Variants in NRG1 observed in about 807,000 individuals in gnomAD.
NRG1 encodes pro-neuregulin-1, membrane-bound isoform.
NRG1 carries 18 observed loss-of-function variants against 63.8 expected under a neutral mutation model. The ratio of observed to expected loss-of-function variants is 0.28; its 90% CI spans 0.19 to 0.42. The LOEUF (loss-of-function observed/expected upper bound fraction) is 0.42, where lower values mean the gene tolerates loss of function less well. Ranked by LOEUF, NRG1 falls within the 10% of genes least tolerant of loss-of-function variation. The pLI is 1.00. For missense variants in NRG1, 762 were observed against 814.7 expected (o/e 0.94, Z 0.79); for synonymous variants, 302 against 301.3 (o/e 1.00, Z -0.02).
At chr8:31,766,276 A>G (rs1162020607) in intron 1 of NRG1, among the ~76,000 whole-genome samples, 1 of 152,216 alleles carries the variant, frequency 6.6e-6, no homozygotes, top group Admixed American at 6.5e-5. Flanking sequence ...ACCACGTTAA[A>G]AAAGATCCCC....
At chr8:32,646,777 A>T (rs1400717265) in intron 5 of NRG1, 2 of 985,154 alleles carry the variant, frequency 2.0e-6, no homozygotes, top group African/African-American at 3.5e-5. Flanking sequence ...GATGGCCTTT[A>T]TTCCTTCTAA....
chr8:32,250,440 C>A (rs1194407469), intron 1 of NRG1, among the ~76,000 whole-genome samples: 1 of 152,096 alleles, frequency 6.6e-6, no homozygotes, highest in Non-Finnish European at 1.5e-5. Flanking sequence ...TCATTATTAC[C>A]TCTGCATGTG....
At chr8:32,175,979 C>T (rs1462062747) in intron 1 of NRG1, among the ~76,000 whole-genome samples, 1 of 152,130 alleles carries the variant, frequency 6.6e-6, no homozygotes, top group African/African-American at 2.4e-5. Context: ...TTGGAAAAAA[C>T]TACTTTAAAG....
chr8:32,017,049 C>T (rs570244884), intron 1 of NRG1, among the ~76,000 whole-genome samples: 5 of 152,260 alleles, frequency 3.3e-5, no homozygotes, highest in African/African-American at 1.2e-4. Flanking sequence ...GATGTTAAAG[C>T]ATCAAAACAG....
chr8:32,367,707 T>A (rs186508431), intron 1 of NRG1, among the ~76,000 whole-genome samples: 61 of 152,226 alleles, frequency 4.0e-4, no homozygotes, highest in African/African-American at 1.4e-3. Flanking sequence ...TCTAGTTTTG[T>A]TTTTTGTTGC....
At chr8:32,438,886 T>C (rs1350472431) in intron 1 of NRG1, among the ~76,000 whole-genome samples, 1 of 152,164 alleles carries the variant, frequency 6.6e-6, no homozygotes, top group East Asian at 1.9e-4. Context: ...AGATTGTTTT[T>C]TGACTGTTGA....
chr8:32,449,825 T>C (rs1820738925), intron 1 of NRG1, among the ~76,000 whole-genome samples: 1 of 152,184 alleles, frequency 6.6e-6, no homozygotes, highest in South Asian at 2.1e-4. Flanking sequence ...AGCTAAATCT[T>C]AAAGTATGAG....
Position 32,099,662 on chromosome 8 carries a change from G to A in NRG1, c.37+460231G>A, listed in dbSNP as rs1830321439. On this transcript the variant is annotated intron_variant, in intron 1 of 10. Coordinates refer to the NRG1 transcript ENST00000519301. ...TTTGAAGATTGGAAGGTGAGAGTCT[G>A]AGGTCCAAAGCTTTACACCAGTTGT... 2.0e-5 allele frequency: 3 copies of A among 152,366 alleles called. No individual in the cohort carries two copies. The Middle Eastern group carries it at 0.01, about 518-fold the overall frequency. The allele number at this position is 152,366 out of a possible 1,614,324, so 9.4% of individuals were successfully genotyped here.
At chr8:31,738,511 A>AATACACATTATTATC (rs1176970784) in intron 1 of NRG1, among the ~76,000 whole-genome samples, 2 of 152,092 alleles carry the variant, frequency 1.3e-5, no homozygotes, top group Non-Finnish European at 2.9e-5. Flanking sequence ...TGGGTATGAT[A>AATACACATTATTATC]ATACACATTA....
chr8:32,485,585 A>AGAAG (rs1011155882), intron 1 of NRG1, among the ~76,000 whole-genome samples: 3 of 152,238 alleles, frequency 2.0e-5, no homozygotes, highest in African/African-American at 4.8e-5. Flanking sequence ...CAGACACTCA[A>AGAAG]GAAGGAAGGA....
intron 1 of NRG1, among the ~76,000 whole-genome samples, chr8:31,979,238 A>G (rs1335648603): frequency 6.6e-6 from 1 of 152,132 alleles, no homozygotes; most frequent in African/African-American, 2.4e-5. Context: ...TCTATGGGTT[A>G]ACCCAGGTTC....
intron 1 of NRG1, among the ~76,000 whole-genome samples, chr8:31,672,236 G>A (rs1807230009): frequency 6.6e-6 from 1 of 151,810 alleles, no homozygotes; most frequent in Admixed American, 6.6e-5. Flanking sequence ...TTTGTGAAGA[G>A]TTTTTTTTCC....
rs544862899 is a variant in NRG1, at chr8:32,289,293, C to T, written c.38-306535C>T. On this transcript the variant is annotated intron_variant, in intron 1 of 10. Coordinates refer to the NRG1 transcript ENST00000519301. The stretch of plus-strand genomic sequence containing the variant: ...GAGGAAAAGACTAGCTGTTGTCTCT[C>T]AAGTCTACCTATTGCTGTCCTACAG... Among the ~76,000 whole-genome samples the T allele has an allele frequency of 7.2e-5, 11 of 152,244 alleles. No individual in the cohort carries two copies. The South Asian group carries it at 2.3e-3, about 32-fold the overall frequency.
chr8:32,385,278 G>A (rs1159481226), intron 1 of NRG1, among the ~76,000 whole-genome samples: 1 of 152,150 alleles, frequency 6.6e-6, no homozygotes, highest in Non-Finnish European at 1.5e-5. Context: ...ACCCGCCTTG[G>A]CCTCCCAAAG....
At chr8:32,238,224 A>G (rs1847764239) in intron 1 of NRG1, among the ~76,000 whole-genome samples, 1 of 152,056 alleles carries the variant, frequency 6.6e-6, no homozygotes, top group South Asian at 2.1e-4. Context: ...GCAATTTGGG[A>G]AGCAGAGGCA....
chr8:31,985,557 C>A (rs1288694984), intron 1 of NRG1, among the ~76,000 whole-genome samples: 2 of 152,046 alleles, frequency 1.3e-5, no homozygotes, highest in East Asian at 3.9e-4. Context: ...CTTCTTTCAG[C>A]TTCAAATGAT....
At chr8:32,305,619 A>G (rs961542620) in intron 1 of NRG1, among the ~76,000 whole-genome samples, 4 of 152,246 alleles carry the variant, frequency 2.6e-5, no homozygotes. Flanking sequence ...TCTCTTCACC[A>G]GCCTTGGTTT....
At chr8:32,592,989 G>A (rs916222836) in intron 1 of NRG1, among the ~76,000 whole-genome samples, 1 of 152,074 alleles carries the variant, frequency 6.6e-6, no homozygotes, top group African/African-American at 2.4e-5. Flanking sequence ...TTATAATACA[G>A]TAACATAAAG....
chr8:31,639,684 TG>T, intron 1 of NRG1: 7 of 1,395,698 alleles, frequency 5.0e-6, no homozygotes, highest in Admixed American at 3.2e-5. Context: ...GCGCGGGGGG[TG>T]GGGGGACCTG....
Sources: gnomAD v4.1 joint callset for allele counts (sites outside exome capture counted in the v4.1 genomes callset) on GRCh38, gnomAD v4.1.1 for gene constraint, MANE v1.5 for transcripts, NCBI Gene and HGNC (gene_info 2026-07-23, HGNC 2026-07-21) for gene names.